TTC23: variants seen among roughly 807,000 people sequenced by gnomAD.
The protein encoded by TTC23 is tetratricopeptide repeat protein 23.
In TTC23, 58 loss-of-function variants were observed where a neutral mutation model predicts 55.1. The observed-to-expected ratio is 1.05, with a 90% CI of 0.85 to 1.31. TTC23 has a LOEUF of 1.31. Ranked by LOEUF, TTC23 falls within the 50% of genes most tolerant of loss-of-function variation. The probability of loss-of-function intolerance (pLI) is 0.00; values close to 1 mark genes in which losing one functional copy is unlikely to be tolerated. For synonymous variants in TTC23, 203 were observed against 199.9 expected (o/e 1.02, Z -0.13); for missense variants, 516 against 534.4 (o/e 0.97, Z 0.34).
chr15:99,161,917 A>G (rs1259182352), intron 10 of TTC23, 50 bp from the exon 11 acceptor site: 1 of 1,551,752 alleles, frequency 6.4e-7, no homozygotes, highest in East Asian at 2.3e-5. Context: ...CAGATTTGAA[A>G]TGGAAACAGA....
At chr15:99,234,874 A>ACTCT (rs1284206171) in intron 4 of TTC23, 114 bp downstream of exon 4, 1 of 152,006 alleles carries the variant, frequency 6.6e-6, no homozygotes, top group Non-Finnish European at 1.5e-5. Context: ...AATAACTGGA[A>ACTCT]CTCTCATACA....
intron 3 of TTC23, among the ~76,000 whole-genome samples, chr15:99,239,393 G>A (rs1047644263): frequency 3.3e-5 from 5 of 152,154 alleles, no homozygotes; most frequent in African/African-American, 1.2e-4. Context: ...GCTGAGGCAG[G>A]AGAATCACTT....
At chr15:99,139,460 A>C in intron 12 of TTC23, 61 bp from the exon 13 acceptor site, 1 of 1,609,396 alleles carries the variant, frequency 6.2e-7, no homozygotes, top group Non-Finnish European at 8.5e-7. Context: ...CAGGAAACTA[A>C]GGTCTCCCTT....
chr15:99,215,485 C>T (rs4965220), intron 8 of TTC23, among the ~76,000 whole-genome samples: 36,989 of 152,072 alleles, frequency 0.24, 5,085 homozygotes, highest in African/African-American at 0.37. Flanking sequence ...TGGCTCATGC[C>T]TGTAATCCCA....
chr15:99,245,266 C>G (rs1197022075), intron 2 of TTC23, 123 bp downstream of exon 2: 2 of 152,220 alleles, frequency 1.3e-5, no homozygotes, highest in Admixed American at 6.5e-5. Flanking sequence ...AATCCCAGCA[C>G]TTTGGGAGGC....
intron 3 of TTC23, among the ~76,000 whole-genome samples, chr15:99,240,875 T>C (rs1370498540): frequency 6.6e-6 from 1 of 152,124 alleles, no homozygotes; most frequent in Non-Finnish European, 1.5e-5. Context: ...GATGTTCAAA[T>C]GCCAAAAAAA....
intron 8 of TTC23, among the ~76,000 whole-genome samples, chr15:99,203,980 T>G (rs763543105): frequency 6.6e-6 from 1 of 152,220 alleles, no homozygotes; most frequent in Non-Finnish European, 1.5e-5. Context: ...TCTTTTGATA[T>G]ACTGATTTCC....
At chr15:99,171,540 T>G (rs2072922623) in intron 10 of TTC23, among the ~76,000 whole-genome samples, 1 of 149,764 alleles carries the variant, frequency 6.7e-6, no homozygotes, top group African/African-American at 2.4e-5. Context: ...GATTCTTGCT[T>G]GCTCCTGAGT....
intron 1 of TTC23, among the ~76,000 whole-genome samples, chr15:99,246,341 C>T (rs964514779): frequency 1.2e-4 from 18 of 151,704 alleles, no homozygotes; most frequent in African/African-American, 4.4e-4. Flanking sequence ...TGGGGCTGGG[C>T]GTGGTGGCTC....
chr15:99,161,397 C>T lies in TTC23; in HGVS notation c.993+343G>A, dbSNP rs573072096. ...TAGTTTTCCTTAGACATGCAAACTC[C>T]ATTCATTACCCAAACTGAGGAGAGA... is the stretch of plus-strand genomic sequence containing the variant. On this transcript the variant is annotated intron_variant, in intron 11 of 13. Transcript: ENST00000394132. 1.6e-4 allele frequency among the ~76,000 whole-genome samples: 25 copies of T among 152,276 alleles called. No individual in the cohort carries two copies. The South Asian group carries it at 5.2e-3, about 32-fold the overall frequency.
chr15:99,156,537 A>G (rs1365443305), intron 11 of TTC23, among the ~76,000 whole-genome samples: 1 of 152,234 alleles, frequency 6.6e-6, no homozygotes, highest in African/African-American at 2.4e-5. Context: ...AAAACTTACA[A>G]TCATGGCAGA....
chr15:99,193,334 A>G (rs1207997607), intron 9 of TTC23, among the ~76,000 whole-genome samples: 1 of 152,188 alleles, frequency 6.6e-6, no homozygotes, highest in Admixed American at 6.5e-5. Flanking sequence ...TGTAGTTCCC[A>G]TAATTCCCAC....
At chr15:99,228,060 A>G (rs2078608813) in intron 5 of TTC23, among the ~76,000 whole-genome samples, 1 of 152,210 alleles carries the variant, frequency 6.6e-6, no homozygotes, top group South Asian at 2.1e-4. Flanking sequence ...CCTGGCACCT[A>G]CATTGCACCT....
intron 13 of TTC23, 29 bp from the exon 14 acceptor site, chr15:99,138,156 G>T: frequency 6.2e-7 from 1 of 1,610,072 alleles, no homozygotes; most frequent in Non-Finnish European, 8.5e-7. Flanking sequence ...TGGGGTGAGT[G>T]TGGTGCCCCT....
At chr15:99,205,307 T>C (rs1439269749) in intron 8 of TTC23, among the ~76,000 whole-genome samples, 1 of 152,022 alleles carries the variant, frequency 6.6e-6, no homozygotes, top group Non-Finnish European at 1.5e-5. Flanking sequence ...ACATAAACTT[T>C]AGGATTTTTT....
chr15:99,223,983 C>T (rs2078174520), intron 5 of TTC23, among the ~76,000 whole-genome samples: 1 of 152,174 alleles, frequency 6.6e-6, no homozygotes, highest in Non-Finnish European at 1.5e-5. Flanking sequence ...CCAGGATACA[C>T]CTAGGATGCA....
intron 10 of TTC23, among the ~76,000 whole-genome samples, chr15:99,167,393 G>A (rs931278199): frequency 2.6e-5 from 4 of 152,240 alleles, no homozygotes; most frequent in African/African-American, 9.6e-5. Context: ...CTAAAACACA[G>A]GAGCATGACT....
chr15:99,237,851 T>C (rs189350283), intron 3 of TTC23, among the ~76,000 whole-genome samples: 39 of 152,318 alleles, frequency 2.6e-4, no homozygotes, highest in African/African-American at 8.7e-4. Flanking sequence ...AAATCATATA[T>C]ATAGACCAGG....
Position 99,175,049 on chromosome 15 carries a change from C to A in TTC23, c.865+1G>T. ...CAGGAAGAGAAAAGGATTCTTCTCA[C>A]CATGGTGCTCGTGTCTCCCTGAAGC... On this transcript the variant is annotated splice_donor_variant, in intron 10 of 13. Transcript: ENST00000394132. LOFTEE classifies it high-confidence loss of function. 3.1e-6 allele frequency: 5 copies of A among 1,613,868 alleles called. No homozygotes were observed. The highest frequency in any genetic ancestry group is 4.2e-6 in the Non-Finnish European group (5 of 1,179,892).
Sources: gnomAD v4.1 joint callset for allele counts (sites outside exome capture counted in the v4.1 genomes callset) on GRCh38, gnomAD v4.1.1 for gene constraint, MANE v1.5 for transcripts, NCBI Gene and HGNC (gene_info 2026-07-23, HGNC 2026-07-21) for gene names.